Variants in STXBP6 observed in about 807,000 individuals in gnomAD.
The protein encoded by STXBP6 is syntaxin binding protein 6, also known as syntaxin-binding protein 6.
In STXBP6, 21 loss-of-function variants were observed where a neutral mutation model predicts 26.9. That is an observed-to-expected ratio of 0.78 (90% CI 0.55 to 1.12). The LOEUF (loss-of-function observed/expected upper bound fraction) is 1.12. Among genes scored for constraint, STXBP6 ranks in the 50% most tolerant of loss-of-function variants. The pLI is 0.00. For missense variants in STXBP6, 232 were observed against 257.9 expected (o/e 0.90, Z 0.69); for synonymous variants, 97 against 92.6 (o/e 1.05, Z -0.27).
At chr14:24,956,368 C>T (rs537803178) in intron 2 of STXBP6, among the ~76,000 whole-genome samples, 9 of 152,120 alleles carry the variant, frequency 5.9e-5, no homozygotes, top group South Asian at 2.1e-4. Flanking sequence ...AGTTCTCAGA[C>T]GAAGGTTTTG....
chr14:25,030,265 A>G (rs1444263283), intron 1 of STXBP6, among the ~76,000 whole-genome samples: 1 of 152,196 alleles, frequency 6.6e-6, no homozygotes. Context: ...GTCTGCTCAC[A>G]GCATCCAGGA....
intron 2 of STXBP6, among the ~76,000 whole-genome samples, chr14:24,890,282 T>C (rs1446439669): frequency 6.6e-6 from 1 of 152,226 alleles, no homozygotes; most frequent in Non-Finnish European, 1.5e-5. Context: ...CAAAAGATCT[T>C]AGAAACAGTG....
At chr14:24,862,749 C>T (rs1019666130) in intron 2 of STXBP6, among the ~76,000 whole-genome samples, 2 of 152,096 alleles carry the variant, frequency 1.3e-5, no homozygotes, top group South Asian at 2.1e-4. Context: ...GTAAGTCTTT[C>T]AGTAGAAGGA....
chr14:24,843,417 T>C (rs2068843935), intron 4 of STXBP6, among the ~76,000 whole-genome samples: 1 of 152,146 alleles, frequency 6.6e-6, no homozygotes, highest in African/African-American at 2.4e-5. Context: ...TCAGGTTCTA[T>C]ACAAATTTCC....
intron 4 of STXBP6, among the ~76,000 whole-genome samples, chr14:24,823,233 A>G (rs766901472): frequency 1.5e-4 from 23 of 152,192 alleles, no homozygotes; most frequent in Non-Finnish European, 2.5e-4. Context: ...CTTCATTGAG[A>G]GAGCAACTGG....
chr14:24,970,889 A>G (rs958873659), intron 2 of STXBP6, among the ~76,000 whole-genome samples: 2 of 152,204 alleles, frequency 1.3e-5, no homozygotes, highest in African/African-American at 2.4e-5. Flanking sequence ...TTTTAATTTT[A>G]GTCATTGCTG....
intron 1 of STXBP6, chr14:24,995,075 A>C (rs2074568742): frequency 6.6e-6 from 1 of 152,586 alleles, no homozygotes; most frequent in African/African-American, 2.4e-5. Context: ...ATAAACAACA[A>C]AAACTTATTT....
At chr14:24,898,188 C>T (rs1179121211) in intron 2 of STXBP6, among the ~76,000 whole-genome samples, 1 of 152,160 alleles carries the variant, frequency 6.6e-6, no homozygotes, top group Non-Finnish European at 1.5e-5. Flanking sequence ...TAACACTGAC[C>T]GAGCATCCCA....
intron 1 of STXBP6, among the ~76,000 whole-genome samples, chr14:25,035,960 G>A (rs903185360): frequency 6.6e-6 from 1 of 152,122 alleles, no homozygotes; most frequent in Admixed American, 6.5e-5. Flanking sequence ...GCTCACGCCT[G>A]TAATCCCAGC....
intron 2 of STXBP6, among the ~76,000 whole-genome samples, chr14:24,863,412 G>A (rs375758067): frequency 4.1e-4 from 63 of 152,240 alleles, no homozygotes; most frequent in African/African-American, 1.4e-3. Flanking sequence ...AACAGTTCCT[G>A]TGCTCACAAG....
chr14:24,963,711 C>A (rs1231886044), intron 2 of STXBP6, among the ~76,000 whole-genome samples: 1 of 152,120 alleles, frequency 6.6e-6, no homozygotes, highest in African/African-American at 2.4e-5. Flanking sequence ...TAAATGAACT[C>A]TTTCTTCAAG....
At chr14:24,979,825 C>T (rs1436214972) in intron 1 of STXBP6, among the ~76,000 whole-genome samples, 3 of 152,146 alleles carry the variant, frequency 2.0e-5, no homozygotes, top group African/African-American at 7.2e-5. Flanking sequence ...TCTTCACCAT[C>T]CCCGGCCTGA....
intron 2 of STXBP6, among the ~76,000 whole-genome samples, chr14:24,859,486 T>C (rs1032195852): frequency 2.0e-5 from 3 of 152,084 alleles, no homozygotes; most frequent in Non-Finnish European, 4.4e-5. Context: ...ACACACACCA[T>C]TGCCAGACTT....
intron 3 of STXBP6, 22 bp from the exon 4 acceptor site, chr14:24,856,123 C>A (rs1411353201): frequency 1.3e-6 from 2 of 1,564,796 alleles, no homozygotes; most frequent in Non-Finnish European, 1.7e-6. Context: ...AATGAAATAA[C>A]TACTAATCTC....
In STXBP6 at chr14:24,974,821, T is replaced by C. The variant is rs371297597; in HGVS notation, c.-3A>G. The stretch of plus-strand genomic sequence containing the variant: ...CTGATAGCAGATTTGGCACTCATTG[T>C]AGAACAAGTGAGGACAGCACGCAGT... On this transcript the variant is annotated 5_prime_UTR_variant, in exon 2 of 6. Coordinates refer to ENST00000323944, the MANE Select transcript of STXBP6 (RefSeq NM_001394410.1). The C allele has an allele frequency of 1.3e-5, 21 of 1,605,466 alleles. No individual in the cohort carries two copies. The highest frequency in any genetic ancestry group is 1.7e-5 in the Non-Finnish European group (20 of 1,175,332).
At chr14:25,031,210 A>C (rs2075448127) in intron 1 of STXBP6, among the ~76,000 whole-genome samples, 1 of 152,242 alleles carries the variant, frequency 6.6e-6, no homozygotes, top group South Asian at 2.1e-4. Context: ...AAAAGCAAGA[A>C]AACAACTTCT....
intron 2 of STXBP6, among the ~76,000 whole-genome samples, chr14:24,906,556 T>A (rs374103598): frequency 6.6e-6 from 1 of 152,216 alleles, no homozygotes; most frequent in Non-Finnish European, 1.5e-5. Flanking sequence ...CTGTTATTTT[T>A]AAACTCATTT....
At chr14:24,878,330 T>G (rs1364775865) in intron 2 of STXBP6, among the ~76,000 whole-genome samples, 1 of 152,170 alleles carries the variant, frequency 6.6e-6, no homozygotes, top group Non-Finnish European at 1.5e-5. Context: ...AAAAATTTTC[T>G]GGTTTTACTT....
At chr14:24,817,561 G>A (rs2068013546) in intron 5 of STXBP6, 1 of 166,402 alleles carries the variant, frequency 6.0e-6, no homozygotes, top group Non-Finnish European at 1.3e-5. Context: ...CAACTTAAAT[G>A]TTTCCCCAGA....
Sources: gnomAD v4.1 joint callset for allele counts (sites outside exome capture counted in the v4.1 genomes callset) on GRCh38, gnomAD v4.1.1 for gene constraint, MANE v1.5 for transcripts, NCBI Gene and HGNC (gene_info 2026-07-23, HGNC 2026-07-21) for gene names.